The following LIN28B variants were observed in gnomAD, a reference collection of about 807,000 sequenced individuals.
The protein encoded by LIN28B is protein lin-28 homolog B.
A neutral mutation model predicts 21.9 loss-of-function variants in LIN28B; 5 were observed. The ratio of observed to expected loss-of-function variants is 0.23; its 90% CI spans 0.12 to 0.48. LIN28B has a LOEUF of 0.48. LIN28B is among the 20% of genes least tolerant of loss of function. The pLI is 0.98. For missense variants in LIN28B, 245 were observed against 310.5 expected (o/e 0.79, Z 1.58); for synonymous variants, 109 against 111.3 (o/e 0.98, Z 0.13).
At chr6:105,031,854 T>C (rs968967613) in intron 3 of LIN28B, among the ~76,000 whole-genome samples, 1 of 152,146 alleles carries the variant, frequency 6.6e-6, no homozygotes, top group Admixed American at 6.5e-5. Flanking sequence ...AACACACATA[T>C]ACATTCCTGT....
At chr6:105,057,206 C>T (rs1772037997) in intron 3 of LIN28B, among the ~76,000 whole-genome samples, 1 of 152,070 alleles carries the variant, frequency 6.6e-6, no homozygotes, top group African/African-American at 2.4e-5. Flanking sequence ...TCTTTATAAC[C>T]TCTTGTATTA....
chr6:105,016,321 A>C (rs928726094), intron 2 of LIN28B, among the ~76,000 whole-genome samples: 1 of 152,170 alleles, frequency 6.6e-6, no homozygotes, highest in Admixed American at 6.5e-5. Context: ...TTTTATAGTA[A>C]ATTTTTAAAA....
At chr6:104,963,311 G>T (rs1769793517) in intron 2 of LIN28B, among the ~76,000 whole-genome samples, 1 of 152,170 alleles carries the variant, frequency 6.6e-6, no homozygotes, top group Non-Finnish European at 1.5e-5. Flanking sequence ...CTCCCAAAGT[G>T]CTGGGATTAC....
intron 3 of LIN28B, among the ~76,000 whole-genome samples, chr6:105,038,132 C>T (rs1292226143): frequency 1.3e-5 from 2 of 152,088 alleles, no homozygotes. Context: ...TAAACTTCTA[C>T]CAGGCAAAGG....
rs909690624 is a variant in LIN28B, at chr6:105,043,879, C to T, written c.383+17397C>T. ...CCTCCCAAAGTGCTGGGATTACAGG[C>T]GTGAGCCACTGGACCTGGCTCTTTG... On this transcript the variant is annotated intron_variant, in intron 3 of 3. Coordinates refer to ENST00000345080, the MANE Select transcript of LIN28B (RefSeq NM_001004317.4). Among the ~76,000 whole-genome samples the T allele has an allele frequency of 1.9e-4, 29 of 152,070 alleles. 1 individual carries two copies. The highest frequency in any genetic ancestry group is 1.9e-3 in the Admixed American group (29 of 15,268).
At chr6:104,962,150 ATATTGGGTG>A (rs1240087745) in intron 2 of LIN28B, among the ~76,000 whole-genome samples, 4 of 152,106 alleles carry the variant, frequency 2.6e-5, no homozygotes, top group African/African-American at 9.7e-5. Flanking sequence ...AATACTTCAC[ATATTGGGTG>A]TATATATACT....
At chr6:105,007,556 G>A (rs1055175520) in intron 2 of LIN28B, among the ~76,000 whole-genome samples, 6 of 148,450 alleles carry the variant, frequency 4.0e-5, no homozygotes, top group African/African-American at 1.2e-4. Flanking sequence ...AGAGTGTCTC[G>A]CTCTGTTGCC....
chr6:105,039,826 G>C (rs1228822039), intron 3 of LIN28B, among the ~76,000 whole-genome samples: 1 of 152,074 alleles, frequency 6.6e-6, no homozygotes, highest in Non-Finnish European at 1.5e-5. Flanking sequence ...GCCTACTGTA[G>C]AGAAAAGCTG....
At chr6:105,027,374 G>GT (rs997852557) in intron 3 of LIN28B, among the ~76,000 whole-genome samples, 2 of 151,820 alleles carry the variant, frequency 1.3e-5, no homozygotes, top group African/African-American at 2.4e-5. Context: ...TTTGTTTGTG[G>GT]TTTTTTTCAC....
intron 2 of LIN28B, among the ~76,000 whole-genome samples, chr6:104,984,830 C>T (rs1036725112): frequency 2.0e-5 from 3 of 152,146 alleles, no homozygotes; most frequent in Admixed American, 6.5e-5. Flanking sequence ...ACTTCTTTGC[C>T]GAATTAGATA....
At chr6:104,987,911 T>C (rs1027719448) in intron 2 of LIN28B, among the ~76,000 whole-genome samples, 1 of 152,034 alleles carries the variant, frequency 6.6e-6, no homozygotes, top group African/African-American at 2.4e-5. Context: ...GCTTGGCTAA[T>C]TTTTGTATTT....
At chr6:105,063,844 A>AT (rs56230771) in intron 3 of LIN28B, among the ~76,000 whole-genome samples, 2,661 of 147,540 alleles carry the variant, frequency 0.018, 91 homozygotes, top group African/African-American at 0.059. Flanking sequence ...CAGTCTTAAA[A>AT]TTTTTTTTTT....
chr6:104,940,913 C>T (rs1443285374), intron 2 of LIN28B: 1 of 152,796 alleles, frequency 6.5e-6, no homozygotes, highest in African/African-American at 2.4e-5. Context: ...CTCCAGGCCC[C>T]TTCCTCCGCC....
chr6:105,078,468 T>G lies in LIN28B; in HGVS notation c.438T>G (p.Pro146=), dbSNP rs375529533. The G allele has an allele frequency of 2.3e-4, 378 of 1,613,912 alleles. No individual in the cohort carries two copies. Among genetic ancestry groups the G allele is most frequent in the Non-Finnish European group, 2.9e-4 (345 of 1,179,914 alleles). Residue 146 remains proline (P), a synonymous_variant, in exon 4 of 4, where the codon CCT becomes CCG. Transcript: ENST00000345080. ...ATGCTAAGGAATGTAGTCTACCTCC[T>G]CAGCCAAAGAAGTGCCATTACTGTC... ...DHHAKECSLP[P]QPKKCHYCQS...
intron 2 of LIN28B, among the ~76,000 whole-genome samples, chr6:104,984,114 A>T (rs1394148245): frequency 6.6e-6 from 1 of 152,208 alleles, no homozygotes; most frequent in Non-Finnish European, 1.5e-5. Flanking sequence ...CACACCTTTT[A>T]TTCTACAAGT....
At chr6:104,947,621 G>A (rs1778171227) in intron 2 of LIN28B, among the ~76,000 whole-genome samples, 2 of 151,612 alleles carry the variant, frequency 1.3e-5, no homozygotes, top group South Asian at 2.1e-4. Context: ...TCCTATAGCA[G>A]TAAATCATAT....
chr6:104,991,550 C>T (rs1770479786), intron 2 of LIN28B, among the ~76,000 whole-genome samples: 1 of 149,620 alleles, frequency 6.7e-6, no homozygotes, highest in Admixed American at 6.6e-5. Flanking sequence ...GGCAGAGGGC[C>T]TCCTCACATC....
intron 2 of LIN28B, chr6:104,940,744 G>C (rs1160549790): frequency 6.6e-6 from 1 of 150,848 alleles, no homozygotes; most frequent in Admixed American, 6.6e-5. Flanking sequence ...GCCGGGCTGC[G>C]GCGGCGGAGT....
At chr6:104,982,042 C>T (rs966709626) in intron 2 of LIN28B, among the ~76,000 whole-genome samples, 4 of 152,020 alleles carry the variant, frequency 2.6e-5, no homozygotes, top group African/African-American at 7.2e-5. Context: ...GGCTTGGGCG[C>T]AGTGGCTCAC....
Sources: gnomAD v4.1 joint callset for allele counts (sites outside exome capture counted in the v4.1 genomes callset) on GRCh38, gnomAD v4.1.1 for gene constraint, MANE v1.5 for transcripts, NCBI Gene and HGNC (gene_info 2026-07-23, HGNC 2026-07-21) for gene names.